Variants in KIF14 observed in about 807,000 individuals in gnomAD.
The protein encoded by KIF14 is kinesin-like protein KIF14.
KIF14 carries 98 observed loss-of-function variants against 176.2 expected under a neutral mutation model. That is an observed-to-expected ratio of 0.56 (90% CI 0.47 to 0.66). The LOEUF is 0.66. Ranked by LOEUF, KIF14 falls within the 30% of genes least tolerant of loss-of-function variation. KIF14 has a pLI of 0.00. For missense variants in KIF14, 1,751 were observed against 1,920.4 expected (o/e 0.91, Z 1.65); for synonymous variants, 566 against 632.2 (o/e 0.90, Z 1.57).
rs1476624802 is a variant in KIF14, at chr1:200,565,164, T to C, written c.3976A>G (p.Ser1326Gly). The C allele has an allele frequency of 1.2e-6, 2 of 1,613,826 alleles. No homozygotes were observed. The highest frequency in any genetic ancestry group is 1.7e-4 in the Middle Eastern group (1 of 6,054). ...QLVVLMKHWL[S>G]DLLPCTNIAR... ...ATGTTGGTACAAGGCAGTAAATCACTCAGCCAGTGTTTCATTAGCACTACT... is the reference window on the plus strand; with the variant it reads ...ATGTTGGTACAAGGCAGTAAATCACCCAGCCAGTGTTTCATTAGCACTACT... Residue 1326 changes from serine (S) to glycine (G), a missense_variant, in exon 25 of 30, where the codon AGT becomes GGT. Physicochemically the swap from Ser to Gly is moderately conservative, Grantham distance 56. Transcript: ENST00000367350.
chr1:200,556,562 A>G (rs1235865611), intron 27 of KIF14, among the ~76,000 whole-genome samples: 1 of 152,220 alleles, frequency 6.6e-6, no homozygotes, highest in Admixed American at 6.5e-5. Flanking sequence ...GATAGGGTCA[A>G]TTGTATACAG....
chr1:200,575,729 G>T, intron 21 of KIF14, 38 bp from the exon 22 acceptor site: 1 of 1,231,948 alleles, frequency 8.1e-7, no homozygotes, highest in South Asian at 1.8e-5. Context: ...GTAAATTTGG[G>T]GTGAAAAAAT....
intron 21 of KIF14, among the ~76,000 whole-genome samples, chr1:200,575,956 T>C (rs1319319251): frequency 3.9e-5 from 6 of 152,072 alleles, no homozygotes; most frequent in Non-Finnish European, 1.5e-5. Flanking sequence ...TTTATAATAA[T>C]AGTAAAAACA....
chr1:200,609,277 A>G (rs140400890), intron 4 of KIF14, among the ~76,000 whole-genome samples: 2 of 152,286 alleles, frequency 1.3e-5, no homozygotes, highest in African/African-American at 4.8e-5. Flanking sequence ...AGAAACTGGA[A>G]CCCTCCTCCA....
In KIF14 at chr1:200,560,996, C is replaced by T. The variant is rs886702576; in HGVS notation, c.4072-116G>A. On this transcript the variant is annotated intron_variant, in intron 25 of 29. Transcript: ENST00000367350. Reference sequence around the variant, plus strand: ...CTGTAATTCCAGCAGTTTGGGAGGCCGAGGCGGGTGGATCGCCTGAGGTCA... The same window carrying T: ...CTGTAATTCCAGCAGTTTGGGAGGCTGAGGCGGGTGGATCGCCTGAGGTCA... 1.8e-4 allele frequency: 155 copies of T among 879,050 alleles called. No individual in the cohort carries two copies. In the Admixed American group the frequency reaches 2.2e-3, roughly 13 times the overall value. The allele number at this position is 879,050 out of a possible 1,614,324, so 54.5% of individuals were successfully genotyped here.
In KIF14 at chr1:200,576,289, T is replaced by C. The variant is rs374060691; in HGVS notation, c.3466-598A>G. Among the ~76,000 whole-genome samples the C allele has an allele frequency of 3.9e-5, 6 of 151,948 alleles. No individual in the cohort carries two copies. In the East Asian group the frequency reaches 7.7e-4, roughly 20 times the overall value. ...GTCAGGAGATCGAGACCATCCTGGC[T>C]AACACGGTGAAACCCCGTCTCTACT... On this transcript the variant is annotated intron_variant, in intron 21 of 29. Transcript: ENST00000367350.
In KIF14 at chr1:200,601,955, G is replaced by A; in HGVS notation, c.2093C>T (p.Ala698Val). ...TTTAGCAATGTTGACTATTAAACGG[G>A]CTTGGTTAGCATATCTAAGTGTGCT... Reference protein sequence around the residue: ...TLSTLRYANQARLIVNIAKVN... With the variant: ...TLSTLRYANQVRLIVNIAKVN... Residue 698 changes from alanine to valine, a missense_variant, in exon 11 of 30, where the codon GCC (alanine) becomes GTC (valine). Transcript: ENST00000367350. 6.2e-7 allele frequency: 1 copy of A among 1,613,406 alleles called. No individual in the cohort carries two copies. Among genetic ancestry groups the A allele is most frequent in the Non-Finnish European group, 8.5e-7 (1 of 1,179,564 alleles).
At chr1:200,611,998 C>T (rs988382666) in intron 4 of KIF14, among the ~76,000 whole-genome samples, 17 of 133,306 alleles carry the variant, frequency 1.3e-4, no homozygotes, top group African/African-American at 3.6e-4. Flanking sequence ...AAAGTCCATG[C>T]TCTTTTTTTT....
Position 200,618,106 on chromosome 1 carries a change from T to C in KIF14, c.618A>G (p.Ala206=), listed in dbSNP as rs773662195. The change falls in exon 2 of 30, where the codon GCA becomes GCG. Residue 206 remains alanine (A), a synonymous_variant. Coordinates refer to ENST00000367350, the MANE Select transcript of KIF14 (RefSeq NM_014875.3). The part of the protein sequence containing the change: ...YKETFSAPSR[A]NENVALKYSS... Reference sequence around the variant, plus strand: ...AGTACTTAAGTGCAACATTTTCATTTGCTCTACTGGGGGCAGAAAATGTTT... The same window carrying C: ...AGTACTTAAGTGCAACATTTTCATTCGCTCTACTGGGGGCAGAAAATGTTT... The C allele has an allele frequency of 3.1e-6, 5 of 1,614,204 alleles. No homozygotes were observed. The South Asian group carries it at 3.3e-5, about 11-fold the overall frequency.
rs147330544 is a variant in KIF14, at chr1:200,606,865, C to T, written c.1555-67G>A. On this transcript the variant is annotated intron_variant, in intron 5 of 29. Coordinates refer to ENST00000367350, the MANE Select transcript of KIF14 (RefSeq NM_014875.3). Reference sequence around the variant, plus strand: ...TATTTCATGTAACTTGAAATGATCACTTTTTCTACATCTTGAGTTTAAGGT... The same window carrying T: ...TATTTCATGTAACTTGAAATGATCATTTTTTCTACATCTTGAGTTTAAGGT... 867 of 1,225,044 alleles carry T rather than the reference C, an allele frequency of 7.1e-4. 6 individuals carry two copies. In the African/African-American group the frequency reaches 0.011, roughly 15 times the overall value. 75.9% of individuals were successfully genotyped at this position (1,225,044 alleles called of 1,614,324 possible). A position where few individuals can be genotyped will look rare whatever the true frequency, so the allele number is the denominator to read the frequency against.
At chr1:200,584,821 T>C (rs1658650428) in intron 19 of KIF14, among the ~76,000 whole-genome samples, 2 of 152,144 alleles carry the variant, frequency 1.3e-5, no homozygotes, top group Admixed American at 1.3e-4. Flanking sequence ...ACCACTTCTA[T>C]TGAACATAGT....
At chr1:200,606,202 A>G (rs1659871869) in intron 6 of KIF14, among the ~76,000 whole-genome samples, 1 of 152,186 alleles carries the variant, frequency 6.6e-6, no homozygotes, top group Non-Finnish European at 1.5e-5. Flanking sequence ...GTATATGCAT[A>G]GGTATATTTA....
At chr1:200,588,338 T>G (rs1658870272) in intron 18 of KIF14, among the ~76,000 whole-genome samples, 1 of 152,000 alleles carries the variant, frequency 6.6e-6, no homozygotes, top group African/African-American at 2.4e-5. Context: ...ACTCTCGGGT[T>G]CAAGAGATTC....
chr1:200,616,580 G>T (rs1166117833), intron 2 of KIF14, among the ~76,000 whole-genome samples: 1 of 152,128 alleles, frequency 6.6e-6, no homozygotes, highest in Admixed American at 6.5e-5. Context: ...TGACCCCTTA[G>T]GTTCAAACTG....
At chr1:200,608,193 T>G (rs1454219263) in intron 5 of KIF14, among the ~76,000 whole-genome samples, 1 of 152,118 alleles carries the variant, frequency 6.6e-6, no homozygotes, top group Non-Finnish European at 1.5e-5. Context: ...TTTAAAAAGT[T>G]TTACTATGTT....
chr1:200,563,355 A>T (rs766552370), intron 25 of KIF14, among the ~76,000 whole-genome samples: 9 of 151,834 alleles, frequency 5.9e-5, no homozygotes, highest in Non-Finnish European at 1.3e-4. Flanking sequence ...TTCTTTTTTT[A>T]AATAGTTTAC....
chr1:200,559,757 C>CTT (rs377593729), intron 26 of KIF14, among the ~76,000 whole-genome samples: 71 of 144,348 alleles, frequency 4.9e-4, no homozygotes, highest in Middle Eastern at 7.1e-3. Flanking sequence ...CAGTAACATT[C>CTT]TTTTTTTTTT....
At chr1:200,594,016 C>T (rs1423961840) in intron 14 of KIF14, among the ~76,000 whole-genome samples, 1 of 144,370 alleles carries the variant, frequency 6.9e-6, no homozygotes, top group African/African-American at 2.6e-5. Flanking sequence ...CTGCAAGCTC[C>T]ACCTCCTGGG....
intron 2 of KIF14, among the ~76,000 whole-genome samples, chr1:200,616,952 G>C (rs1214068075): frequency 6.6e-6 from 1 of 152,076 alleles, no homozygotes; most frequent in African/African-American, 2.4e-5. Flanking sequence ...GACCTCTTTA[G>C]GGAACCAGTA....
Sources: gnomAD v4.1 joint callset for allele counts (sites outside exome capture counted in the v4.1 genomes callset) on GRCh38, gnomAD v4.1.1 for gene constraint, MANE v1.5 for transcripts, NCBI Gene and HGNC (gene_info 2026-07-23, HGNC 2026-07-21) for gene names.